The following DOCK4 variants were observed in gnomAD, a reference collection of about 807,000 sequenced individuals.
DOCK4 encodes the protein dedicator of cytokinesis protein 4.
A neutral mutation model predicts 268.1 loss-of-function variants in DOCK4; 97 were observed. The observed-to-expected ratio is 0.36, with a 90% CI of 0.31 to 0.43. The LOEUF (loss-of-function observed/expected upper bound fraction) is 0.43. DOCK4 is among the 20% of genes least tolerant of loss of function. The pLI is 1.00. For missense variants in DOCK4, 2,145 were observed against 2,455.7 expected (o/e 0.87, Z 2.67); for synonymous variants, 954 against 887.2 (o/e 1.08, Z -1.34).
intron 1 of DOCK4, among the ~76,000 whole-genome samples, chr7:112,124,556 A>G (rs1372594410): frequency 6.6e-6 from 1 of 152,234 alleles, no homozygotes; most frequent in African/African-American, 2.4e-5. Context: ...GAAAGAACAC[A>G]GCTTAGAAGC....
At chr7:111,976,240 A>T (rs1798177825) in intron 8 of DOCK4, among the ~76,000 whole-genome samples, 1 of 102,944 alleles carries the variant, frequency 9.7e-6, no homozygotes, top group Non-Finnish European at 2.0e-5. Context: ...GTGTATATAT[A>T]TGTGTATATA....
At chr7:111,734,182 T>C (rs1177651204) in intron 51 of DOCK4, among the ~76,000 whole-genome samples, 2 of 152,044 alleles carry the variant, frequency 1.3e-5, no homozygotes, top group Non-Finnish European at 2.9e-5. Flanking sequence ...GCTCAAGTGA[T>C]CTGCCTGCCT....
At position 111,803,707 on chromosome 7, in the gene DOCK4, C is replaced by T. The variant is rs1158868291; in HGVS notation, c.3166+5114G>A. Among the ~76,000 whole-genome samples the T allele has an allele frequency of 4.6e-5, 7 of 152,184 alleles. No homozygotes were observed. In the South Asian group the frequency reaches 1.0e-3, roughly 23 times the overall value. On this transcript the variant is annotated intron_variant, in intron 30 of 52. Coordinates refer to ENST00000428084, the MANE Select transcript of DOCK4 (RefSeq NM_001363540.2). Reference sequence around the variant, plus strand: ...TTCTCTGTTCTTGCAAGTAGGGGTACAGACGGGTAAAGTTTTGGGGGAAAA... The same window carrying T: ...TTCTCTGTTCTTGCAAGTAGGGGTATAGACGGGTAAAGTTTTGGGGGAAAA...
Position 111,783,948 on chromosome 7 carries a change from G to C in DOCK4, c.3433C>G (p.Leu1145Val). Residue 1145 changes from leucine to valine, a missense_variant, in exon 34 of 53, where the codon CTA becomes GTA. Coordinates refer to ENST00000428084, the MANE Select transcript of DOCK4 (RefSeq NM_001363540.2). ...CATGTTTCCCGCTCAATTTTCTTTA[G>C]TAGACTGGAAAAGAAAGAACCCGGG... ...IPLFGPYPSL[L>V]KKIERETWRE... 1 of 1,601,340 alleles carries C rather than the reference G, an allele frequency of 6.2e-7. No individual in the cohort carries two copies. The highest frequency in any genetic ancestry group is 8.5e-7 in the Non-Finnish European group (1 of 1,173,594).
Position 111,737,006 on chromosome 7 carries a change from G to A in DOCK4, c.5233-17C>T, listed in dbSNP as rs755942259. The A allele has an allele frequency of 2.5e-6, 4 of 1,595,952 alleles. No individual in the cohort carries two copies. The highest frequency in any genetic ancestry group is 1.7e-5 in the Admixed American group (1 of 57,206). On this transcript the variant is annotated splice_polypyrimidine_tract_variant and intron_variant, in intron 49 of 52. Transcript: ENST00000428084. ...CAGCATCCTCTGCAAAGTTACAAGG[G>A]TTGATTTTTATGATGTGATATACGG...
At chr7:112,157,669 A>C (rs879018013) in intron 1 of DOCK4, among the ~76,000 whole-genome samples, 26 of 152,206 alleles carry the variant, frequency 1.7e-4, no homozygotes, top group Admixed American at 1.6e-3. Flanking sequence ...GGGATATTTC[A>C]GACGGAGAGA....
At chr7:112,064,011 G>C (rs1806695032) in intron 1 of DOCK4, among the ~76,000 whole-genome samples, 1 of 152,114 alleles carries the variant, frequency 6.6e-6, no homozygotes, top group Admixed American at 6.5e-5. Flanking sequence ...GTACAGCCTG[G>C]TGAGACTAGG....
At chr7:112,126,926 A>T (rs1157822446) in intron 1 of DOCK4, among the ~76,000 whole-genome samples, 1 of 151,914 alleles carries the variant, frequency 6.6e-6, no homozygotes, top group African/African-American at 2.4e-5. Context: ...GCTGGAGAGG[A>T]TGTGGAGAAA....
chr7:112,058,766 G>A (rs1806083986), intron 1 of DOCK4, among the ~76,000 whole-genome samples: 1 of 152,202 alleles, frequency 6.6e-6, no homozygotes, highest in South Asian at 2.1e-4. Flanking sequence ...GAATCTGGGA[G>A]TGAGTTCTAT....
intron 25 of DOCK4, among the ~76,000 whole-genome samples, chr7:111,843,811 T>A (rs1244935085): frequency 6.6e-6 from 1 of 152,214 alleles, no homozygotes; most frequent in Non-Finnish European, 1.5e-5. Flanking sequence ...GGTGGCTTGA[T>A]GTTATAATCT....
intron 1 of DOCK4, among the ~76,000 whole-genome samples, chr7:112,157,023 A>G (rs921512116): frequency 1.3e-5 from 2 of 152,224 alleles, no homozygotes; most frequent in Admixed American, 1.3e-4. Flanking sequence ...TATCTTCATT[A>G]GCAGACAGGG....
chr7:111,772,641 CA>C (rs1465686557), intron 36 of DOCK4, among the ~76,000 whole-genome samples: 1 of 151,880 alleles, frequency 6.6e-6, no homozygotes, highest in African/African-American at 2.4e-5. Flanking sequence ...ACTAAAAATA[CA>C]AAAAATTAGC....
intron 10 of DOCK4, 79 bp downstream of exon 10, chr7:111,944,732 A>G: frequency 1.5e-6 from 2 of 1,338,710 alleles, no homozygotes; most frequent in Admixed American, 1.8e-5. Flanking sequence ...ACAGCAATAA[A>G]TCACAACAAC....
At chr7:111,927,194 C>T (rs1359043318) in intron 12 of DOCK4, among the ~76,000 whole-genome samples, 3 of 152,124 alleles carry the variant, frequency 2.0e-5, no homozygotes, top group Non-Finnish European at 4.4e-5. Context: ...TTCTAATATG[C>T]AAAAGGTATG....
At chr7:111,827,487 G>A (rs1021602913) in intron 26 of DOCK4, among the ~76,000 whole-genome samples, 6 of 152,122 alleles carry the variant, frequency 3.9e-5, no homozygotes, top group Non-Finnish European at 7.4e-5. Context: ...GGCAAATAAT[G>A]AGAGTGCATT....
At chr7:112,110,252 G>A (rs1811530886) in intron 1 of DOCK4, among the ~76,000 whole-genome samples, 1 of 152,146 alleles carries the variant, frequency 6.6e-6, no homozygotes, top group Non-Finnish European at 1.5e-5. Context: ...TAAAAACATT[G>A]CTAACACTTG....
rs1168027689 is a variant in DOCK4, at chr7:111,872,092, T to TA, written c.1927-3dup. 1 of 1,524,300 alleles carries TA rather than the reference T, an allele frequency of 6.6e-7. No individual in the cohort carries two copies. Among genetic ancestry groups the TA allele is most frequent in the Non-Finnish European group, 8.8e-7 (1 of 1,138,304 alleles). 94.4% of individuals were successfully genotyped at this position (1,524,300 alleles called of 1,614,324 possible). ...TTGCAGCAAATTTATTATGTGAACC[T>TA]AAAAAAAGAAAATTGAGCTTTATAA... is the stretch of plus-strand genomic sequence containing the variant. On this transcript the variant is annotated splice_region_variant and splice_polypyrimidine_tract_variant and intron_variant, in intron 19 of 52. Transcript: ENST00000428084.
At chr7:111,868,273 C>A in intron 21 of DOCK4, 119 bp from the exon 22 acceptor site, 2 of 714,320 alleles carry the variant, frequency 2.8e-6, no homozygotes, top group Non-Finnish European at 4.2e-6. Flanking sequence ...ATGTAGACAC[C>A]AAGGCCTTGT....
intron 8 of DOCK4, among the ~76,000 whole-genome samples, chr7:111,964,594 G>C (rs1463456499): frequency 7.3e-6 from 1 of 137,274 alleles, no homozygotes; most frequent in African/African-American, 2.9e-5. Context: ...GTACCTGAAA[G>C]TGATGGGGAG....
Sources: gnomAD v4.1 joint callset for allele counts (sites outside exome capture counted in the v4.1 genomes callset) on GRCh38, gnomAD v4.1.1 for gene constraint, MANE v1.5 for transcripts, NCBI Gene and HGNC (gene_info 2026-07-23, HGNC 2026-07-21) for gene names.